SLC38A2: variants seen among roughly 807,000 people sequenced by gnomAD.
SLC38A2 encodes the protein solute carrier family 38 member 2, also known as sodium-coupled neutral amino acid symporter 2.
In SLC38A2, 11 loss-of-function variants were observed where a neutral mutation model predicts 61.5. That is an observed-to-expected ratio of 0.18 (90% CI 0.11 to 0.30). The LOEUF (loss-of-function observed/expected upper bound fraction) is 0.30. SLC38A2 is among the 10% of genes least tolerant of loss of function. SLC38A2 has a pLI of 1.00. For synonymous variants in SLC38A2, 217 were observed against 212.5 expected, an observed-to-expected ratio of 1.02 and a Z score of -0.18; for missense variants, 522 against 600.4, an observed-to-expected ratio of 0.87 and a Z score of 1.36.
At chr12:46,371,069 C>T in intron 2 of SLC38A2, 109 bp downstream of exon 2, 1 of 1,015,952 alleles carries the variant, frequency 9.8e-7, no homozygotes, top group South Asian at 1.3e-5. Context: ...GATTACGCAC[C>T]TTCTCTAAAT....
intron 4 of SLC38A2, 88 bp from the exon 5 acceptor site, chr12:46,367,428 G>T (rs1419690457): frequency 1.3e-5 from 10 of 777,190 alleles, no homozygotes; most frequent in Non-Finnish European, 2.2e-5. Flanking sequence ...ATAACATTAT[G>T]TGTGCAACTT....
chr12:46,365,246 A>G, intron 7 of SLC38A2, 57 bp from the exon 8 acceptor site: 4 of 1,287,566 alleles, frequency 3.1e-6, no homozygotes, highest in Non-Finnish European at 4.5e-6. Context: ...AAAAATATAC[A>G]CATCTTCTAA....
At chr12:46,368,239 A>G (rs1234365011) in intron 4 of SLC38A2, among the ~76,000 whole-genome samples, 1 of 152,222 alleles carries the variant, frequency 6.6e-6, no homozygotes, top group South Asian at 2.1e-4. Flanking sequence ...AACCATTGTG[A>G]TGACATACTA....
Position 46,362,550 on chromosome 12 carries a change from A to C in SLC38A2, c.1268T>G (p.Phe423Cys), listed in dbSNP as rs764082612. ...GACAAAGATGACAAGTAAATTGGTA[A>C]ATGCCAAGATAGACACTGTAATGAG... ...HSLITVSILAFTNLLVIFVPT... is the reference protein window; with the variant it reads ...HSLITVSILACTNLLVIFVPT... The change falls in exon 14 of 16, where the codon TTT becomes TGT. Residue 423 changes from phenylalanine to cysteine, a missense_variant. Physicochemically the swap from Phe to Cys is radical, Grantham distance 205 (BLOSUM62 -2). Around this residue, in one of 3 missense-constraint regions of SLC38A2, gnomAD observed 309 missense variants for 343.9 expected, o/e 0.90. Coordinates refer to ENST00000256689, the MANE Select transcript of SLC38A2 (RefSeq NM_018976.5). 6.2e-7 allele frequency: 1 copy of C among 1,601,952 alleles called. No homozygotes were observed. Among genetic ancestry groups the C allele is most frequent in the South Asian group, 1.1e-5 (1 of 87,632 alleles).
chr12:46,367,071 C>G lies in SLC38A2; in HGVS notation c.481+5G>C, dbSNP rs200151806. 1.2e-6 allele frequency: 2 copies of G among 1,613,718 alleles called. No individual in the cohort carries two copies. Among genetic ancestry groups the G allele is most frequent in the Admixed American group, 3.3e-5 (2 of 60,006 alleles). On this transcript the variant is annotated splice_donor_5th_base_variant and intron_variant, in intron 6 of 15. Transcript: ENST00000256689. ...TACCCAAATAATCTTTTGAAAAATT[C>G]TTACCTCCAATGTTCTGCATTGTAA...
rs1471125620 is a variant in SLC38A2, at chr12:46,358,782, TTAA to T, written c.*2326_*2328del. The T allele has an allele frequency of 6.6e-6, 1 of 152,656 alleles. No individual in the cohort carries two copies. Among genetic ancestry groups the T allele is most frequent in the Non-Finnish European group, 1.5e-5 (1 of 68,036 alleles). The allele number at this position is 152,656 out of a possible 1,614,324, so 9.5% of individuals were successfully genotyped here. ...TGAAAAATAGGTTAGCTTTAATGGATTAATGTTGTTCTATAAATAACATTACAG... is the reference window on the plus strand; with the variant it reads ...TGAAAAATAGGTTAGCTTTAATGGATTGTTGTTCTATAAATAACATTACAG... On this transcript the variant is annotated 3_prime_UTR_variant, in exon 16 of 16. Transcript: ENST00000256689.
At position 46,359,673 on chromosome 12, in the gene SLC38A2, C is replaced by T. The variant is rs574300411; in HGVS notation, c.*1438G>A. On this transcript the variant is annotated 3_prime_UTR_variant, in exon 16 of 16. Coordinates refer to ENST00000256689, the MANE Select transcript of SLC38A2 (RefSeq NM_018976.5). ...TATATTCACCATACACTGTGACGTA[C>T]GATAAATGTGCTCTTAAAGCCAAGT... 13 of 152,618 alleles carry T rather than the reference C, an allele frequency of 8.5e-5. No individual in the cohort carries two copies. The South Asian group carries it at 2.3e-3, about 27-fold the overall frequency. The allele number at this position is 152,618 out of a possible 1,614,324, so 9.5% of individuals were successfully genotyped here. A position where few individuals can be genotyped will look rare whatever the true frequency, so the allele number is the denominator to read the frequency against.
In SLC38A2 at chr12:46,367,310, G is replaced by A. The variant is rs776892669; in HGVS notation, c.345C>T (p.Ser115=). The A allele has an allele frequency of 6.3e-7, 1 of 1,596,870 alleles. No homozygotes were observed. The highest frequency in any genetic ancestry group is 8.6e-7 in the Non-Finnish European group (1 of 1,164,880). The part of the protein sequence containing the change: ...IILLTFVSIF[S]LYSVHLLLKT... ...TCAAAAGGAGATGAACAGAATACAG[G>A]GAAAATATTGACACAAATGTCAAGA... The change falls in exon 5 of 16, where the codon TCC becomes TCT. Residue 115 remains serine, a synonymous_variant. Coordinates refer to ENST00000256689, the MANE Select transcript of SLC38A2 (RefSeq NM_018976.5).
chr12:46,368,744 T>C (rs1457121839), intron 4 of SLC38A2, among the ~76,000 whole-genome samples: 1 of 152,220 alleles, frequency 6.6e-6, no homozygotes, highest in Non-Finnish European at 1.5e-5. Context: ...AGTGACACTA[T>C]CAACCTCACT....
At chr12:46,363,256 A>G in intron 12 of SLC38A2, 111 bp from the exon 13 acceptor site, 1 of 1,211,978 alleles carries the variant, frequency 8.3e-7, no homozygotes. Flanking sequence ...AAACGACTAT[A>G]AACTAAGAGG....
rs1943101798 is a variant in SLC38A2, at chr12:46,363,164, A to G, written c.1055-19T>C. On this transcript the variant is annotated intron_variant, in intron 12 of 15. Coordinates refer to ENST00000256689, the MANE Select transcript of SLC38A2 (RefSeq NM_018976.5). ...ACATGTTCTACAGGGAAAGACCAAA[A>G]AAACTTTGATTGGCTGTTTTCATTG... 6 of 1,607,406 alleles carry G rather than the reference A, an allele frequency of 3.7e-6. No individual in the cohort carries two copies. The highest frequency in any genetic ancestry group is 5.1e-6 in the Non-Finnish European group (6 of 1,176,526).
intron 3 of SLC38A2, 53 bp from the exon 4 acceptor site, chr12:46,370,680 A>T (rs1314632339): frequency 1.2e-5 from 19 of 1,566,536 alleles, no homozygotes; most frequent in Admixed American, 1.7e-5. Context: ...AAATGGAGAA[A>T]ACCAGCTTTG....
intron 15 of SLC38A2, among the ~76,000 whole-genome samples, chr12:46,361,592 C>T (rs970613306): frequency 6.6e-6 from 1 of 152,110 alleles, no homozygotes; most frequent in Admixed American, 6.6e-5. Context: ...GAGGTCTTTC[C>T]AGGAAATACT....
In SLC38A2 at chr12:46,367,296, T is replaced by C. The variant is rs1943149158; in HGVS notation, c.359A>G (p.His120Arg). The change falls in exon 5 of 16, where the codon CAT becomes CGT. Residue 120 changes from histidine to arginine, a missense_variant. His to Arg is a conservative substitution (Grantham distance 29, BLOSUM62 0). Around this residue, in one of 3 missense-constraint regions of SLC38A2, gnomAD observed 111 missense variants for 173.4 expected, o/e 0.64. Transcript: ENST00000256689. ...FVSIFSLYSV[H>R]LLLKTANEGG... ...TTCATTGGCAGTCTTCAAAAGGAGA[T>C]GAACAGAATACAGGGAAAATATTGA... The C allele has an allele frequency of 1.2e-6, 2 of 1,603,174 alleles. No individual in the cohort carries two copies. Among genetic ancestry groups the C allele is most frequent in the Non-Finnish European group, 1.7e-6 (2 of 1,170,516 alleles).
At chr12:46,371,455 G>C in intron 1 of SLC38A2, 76 bp from the exon 2 acceptor site, 2 of 611,722 alleles carry the variant, frequency 3.3e-6, no homozygotes, top group Non-Finnish European at 5.7e-6. Flanking sequence ...CGGAGGCGCA[G>C]CGCGGCTGAT....
chr12:46,371,913 G>A (rs867990658), intron 1 of SLC38A2, among the ~76,000 whole-genome samples: 2 of 152,294 alleles, frequency 1.3e-5, no homozygotes, highest in East Asian at 3.9e-4. Flanking sequence ...CTCCTCTCTC[G>A]AGGGGGGCGA....
chr12:46,366,042 C>T (rs768687619), intron 7 of SLC38A2, among the ~76,000 whole-genome samples: 24 of 152,120 alleles, frequency 1.6e-4, no homozygotes, highest in Admixed American at 6.6e-4. Flanking sequence ...TCTATTTTGA[C>T]GTAATGAGCT....
At position 46,364,032 on chromosome 12, in the gene SLC38A2, T is replaced by C. The variant is rs761264519; in HGVS notation, c.874-29A>G. 3 of 1,567,808 alleles carry C rather than the reference T, an allele frequency of 1.9e-6. No individual in the cohort carries two copies. In the Admixed American group the frequency reaches 5.6e-5, roughly 29 times the overall value. ...AAAGAAAACGTAAAAATCTACTTAA[T>C]CTGATGTAACGAACTCATGCTGTCA... On this transcript the variant is annotated intron_variant, in intron 10 of 15. Coordinates refer to ENST00000256689, the MANE Select transcript of SLC38A2 (RefSeq NM_018976.5).
At chr12:46,366,654 A>G (rs958907785) in intron 7 of SLC38A2, among the ~76,000 whole-genome samples, 3 of 152,226 alleles carry the variant, frequency 2.0e-5, no homozygotes, top group Non-Finnish European at 2.9e-5. Context: ...AAATTAAGAT[A>G]TCCAAAATTG....
Sources: allele counts gnomAD v4.1 joint callset (sites outside exome capture counted in the v4.1 genomes callset), GRCh38; gene constraint gnomAD v4.1.1; regional missense constraint gnomAD v4.1.1; transcripts MANE v1.5; gene names NCBI Gene and HGNC (gene_info 2026-07-23, HGNC 2026-07-21).